Variants in ANKIB1 observed in about 807,000 individuals in gnomAD.
ANKIB1 encodes ankyrin repeat and IBR domain containing 1.
A neutral mutation model predicts 122.1 loss-of-function variants in ANKIB1; 43 were observed. That is an observed-to-expected ratio of 0.35 (90% CI 0.28 to 0.45). ANKIB1 has a LOEUF of 0.45. Ranked by LOEUF, ANKIB1 falls within the 20% of genes least tolerant of loss-of-function variation. ANKIB1 has a pLI of 1.00. For missense variants in ANKIB1, 992 were observed against 1,329.5 expected (o/e 0.75, Z 3.95); for synonymous variants, 390 against 442.0 (o/e 0.88, Z 1.48).
At chr7:92,275,038 C>T (rs1293692177) in intron 1 of ANKIB1, among the ~76,000 whole-genome samples, 1 of 151,936 alleles carries the variant, frequency 6.6e-6, no homozygotes, top group Non-Finnish European at 1.5e-5. Flanking sequence ...AAGTAGGCTG[C>T]TTTTTTTTCT....
intron 17 of ANKIB1, among the ~76,000 whole-genome samples, chr7:92,395,051 A>G (rs1352925511): frequency 6.6e-6 from 1 of 152,206 alleles, no homozygotes. Context: ...TATCATGGAA[A>G]GACACCATAA....
intron 5 of ANKIB1, among the ~76,000 whole-genome samples, chr7:92,329,730 C>T (rs1803121993): frequency 6.6e-6 from 1 of 152,202 alleles, no homozygotes; most frequent in African/African-American, 2.4e-5. Context: ...TCCTCTGTCT[C>T]TCTTATATTT....
At chr7:92,251,773 A>T (rs1205426865) in intron 1 of ANKIB1, among the ~76,000 whole-genome samples, 1 of 152,186 alleles carries the variant, frequency 6.6e-6, no homozygotes. Context: ...CAGCCAACAT[A>T]CTACTGTCCA....
chr7:92,301,313 A>G (rs1276691586), intron 2 of ANKIB1, among the ~76,000 whole-genome samples: 4 of 151,156 alleles, frequency 2.6e-5, no homozygotes, highest in Non-Finnish European at 5.9e-5. Flanking sequence ...TCCATGAGCA[A>G]TGTACCAGGG....
chr7:92,334,357 A>T (rs569932382), intron 5 of ANKIB1, among the ~76,000 whole-genome samples: 1 of 152,054 alleles, frequency 6.6e-6, no homozygotes, highest in African/African-American at 2.4e-5. Flanking sequence ...CCAAGGGATA[A>T]TCTTTGTACT....
At chr7:92,379,772 A>T (rs1040067448) in intron 11 of ANKIB1, among the ~76,000 whole-genome samples, 1 of 152,212 alleles carries the variant, frequency 6.6e-6, no homozygotes. Context: ...ATAAACCAGG[A>T]GGTCTTTTCC....
At chr7:92,345,935 TAAAGCC>T (rs962358052) in intron 7 of ANKIB1, among the ~76,000 whole-genome samples, 10 of 152,106 alleles carry the variant, frequency 6.6e-5, no homozygotes, top group Admixed American at 5.2e-4. Context: ...TTGACATACA[TAAAGCC>T]ACACATTTAA....
At chr7:92,273,664 A>G (rs1160177734) in intron 1 of ANKIB1, among the ~76,000 whole-genome samples, 1 of 152,234 alleles carries the variant, frequency 6.6e-6, no homozygotes, top group African/African-American at 2.4e-5. Context: ...GCAGGAGAGT[A>G]TGGCAGGCCA....
intron 5 of ANKIB1, among the ~76,000 whole-genome samples, chr7:92,335,973 T>A (rs1177251359): frequency 6.6e-6 from 1 of 152,092 alleles, no homozygotes; most frequent in Non-Finnish European, 1.5e-5. Context: ...TGGGCTGTTG[T>A]ATATATTCTT....
intron 11 of ANKIB1, among the ~76,000 whole-genome samples, chr7:92,373,276 T>C (rs776470179): frequency 6.6e-6 from 1 of 152,170 alleles, no homozygotes; most frequent in Non-Finnish European, 1.5e-5. Flanking sequence ...ATAGACTACA[T>C]AGATGTATAA....
At chr7:92,379,077 G>A (rs1378791842) in intron 11 of ANKIB1, among the ~76,000 whole-genome samples, 2 of 152,182 alleles carry the variant, frequency 1.3e-5, no homozygotes, top group Admixed American at 1.3e-4. Flanking sequence ...ATAGCAACAG[G>A]TTTTGTTTCG....
Position 92,390,041 on chromosome 7 carries a change from T to C in ANKIB1, c.1977T>C (p.Ile659=), listed in dbSNP as rs1210081768. The C allele has an allele frequency of 6.2e-7, 1 of 1,607,358 alleles. No homozygotes were observed. The highest frequency in any genetic ancestry group is 1.1e-5 in the South Asian group (1 of 88,882). The change falls in exon 15 of 20, where the codon ATT becomes ATC. Residue 659 remains isoleucine, a synonymous_variant. Coordinates refer to ENST00000265742, the MANE Select transcript of ANKIB1 (RefSeq NM_019004.2). ...ATGTGCTCTTAAAAACTCGGCGCAT[T>C]CTCAAGTGTTCTTATCCATATGGAT... is the stretch of plus-strand genomic sequence containing the variant. ...AVHVLLKTRR[I]LKCSYPYGFF...
chr7:92,370,848 A>G (rs1252874551), intron 10 of ANKIB1, among the ~76,000 whole-genome samples: 9 of 152,148 alleles, frequency 5.9e-5, no homozygotes, highest in Admixed American at 3.3e-4. Flanking sequence ...TTGGTTTTCT[A>G]TGCTTTAATT....
At chr7:92,333,387 C>G (rs145893520) in intron 5 of ANKIB1, among the ~76,000 whole-genome samples, 1 of 152,296 alleles carries the variant, frequency 6.6e-6, no homozygotes, top group East Asian at 1.9e-4. Context: ...GTGTTACCCT[C>G]CCTCCTGCCA....
intron 2 of ANKIB1, among the ~76,000 whole-genome samples, chr7:92,297,967 A>G (rs906330086): frequency 1.3e-5 from 2 of 152,130 alleles, no homozygotes; most frequent in African/African-American, 2.4e-5. Context: ...GGATTCTCAA[A>G]TGGCTTCTCT....
At chr7:92,306,795 T>G (rs1021538066) in intron 2 of ANKIB1, among the ~76,000 whole-genome samples, 3 of 152,194 alleles carry the variant, frequency 2.0e-5, no homozygotes, top group Non-Finnish European at 4.4e-5. Context: ...TATGCCTTAT[T>G]ATTTCAAAGG....
chr7:92,343,114 C>T lies in ANKIB1; in HGVS notation c.878C>T (p.Pro293Leu). The T allele has an allele frequency of 6.2e-7, 1 of 1,613,930 alleles. No individual in the cohort carries two copies. Among genetic ancestry groups the T allele is most frequent in the Non-Finnish European group, 8.5e-7 (1 of 1,179,862 alleles). The change falls in exon 6 of 20, where the codon CCA (proline) becomes CTA (leucine). Residue 293 changes from proline (P) to leucine (L), a missense_variant. Coordinates refer to ENST00000265742, the MANE Select transcript of ANKIB1 (RefSeq NM_019004.2). ...RSGVQMPTPPPSGYNAWDTLP... is the reference protein window; with the variant it reads ...RSGVQMPTPPLSGYNAWDTLP... Reference sequence around the variant, plus strand: ...GGTGTTCAAATGCCAACTCCACCACCAAGTGGGTATAATGCCTGGGACACG... The same window carrying T: ...GGTGTTCAAATGCCAACTCCACCACTAAGTGGGTATAATGCCTGGGACACG...
intron 4 of ANKIB1, among the ~76,000 whole-genome samples, chr7:92,322,994 A>G (rs1802945928): frequency 6.6e-6 from 1 of 152,182 alleles, no homozygotes; most frequent in Non-Finnish European, 1.5e-5. Flanking sequence ...GTGATCCTTA[A>G]TGAGTTAATA....
Position 92,352,570 on chromosome 7 carries a change from G to A in ANKIB1, c.1325G>A (p.Gly442Glu). ...ACGAAACAAGGGTCAAATACATCTG[G>A]ATCTGATACACTCAGCTTCCCATTG... ...RLTKQGSNTS[G>E]SDTLSFPLLR... Residue 442 changes from glycine (G) to glutamate (E), a missense_variant, in exon 9 of 20, where the codon GGA (glycine) becomes GAA (glutamate). This residue lies in a region of ANKIB1 where 521 missense variants were observed against 777.7 expected (regional missense o/e 0.67). Coordinates refer to ENST00000265742, the MANE Select transcript of ANKIB1 (RefSeq NM_019004.2). 1 of 1,613,502 alleles carries A rather than the reference G, an allele frequency of 6.2e-7. No individual in the cohort carries two copies. Among genetic ancestry groups the A allele is most frequent in the Non-Finnish European group, 8.5e-7 (1 of 1,179,794 alleles).
Sources: gnomAD v4.1 joint callset for allele counts (sites outside exome capture counted in the v4.1 genomes callset) on GRCh38, gnomAD v4.1.1 for gene constraint, gnomAD v4.1.1 regional missense constraint, MANE v1.5 for transcripts, NCBI Gene and HGNC (gene_info 2026-07-23, HGNC 2026-07-21) for gene names.